Variants in UBE2W observed in about 807,000 individuals in gnomAD.
UBE2W encodes ubiquitin conjugating enzyme E2 W, also known as ubiquitin-conjugating enzyme E2 W.
UBE2W carries 18 observed loss-of-function variants against 27.2 expected under a neutral mutation model. That is an observed-to-expected ratio of 0.66 (90% CI 0.46 to 0.98). The LOEUF is 0.98. Ranked by LOEUF, UBE2W falls within the 50% of genes least tolerant of loss-of-function variation. The probability of loss-of-function intolerance (pLI) is 0.00; values close to 1 mark genes in which losing one functional copy is unlikely to be tolerated. For missense variants in UBE2W, 90 were observed against 180.2 expected (o/e 0.50, Z 2.87); for synonymous variants, 53 against 57.2 (o/e 0.93, Z 0.33).
At chr8:73,833,184 C>CAAAAAAAA (rs1202478660) in intron 1 of UBE2W, among the ~76,000 whole-genome samples, 5 of 31,388 alleles carry the variant, frequency 1.6e-4, no homozygotes, top group African/African-American at 3.7e-4. Context: ...GACTCCACCT[C>CAAAAAAAA]AAAAAAAAAA....
In UBE2W at chr8:73,794,064, T is replaced by C. The variant is rs1586437936; in HGVS notation, c.*38A>G. 1 of 1,612,742 alleles carries C rather than the reference T, an allele frequency of 6.2e-7. No individual in the cohort carries two copies. The highest frequency in any genetic ancestry group is 8.5e-7 in the Non-Finnish European group (1 of 1,179,394). ...ATGATCAAAGTGCTCATTTTCTCAGTAGGACTATCTTCTGCTAGGAGGATG... is the reference window on the plus strand; with the variant it reads ...ATGATCAAAGTGCTCATTTTCTCAGCAGGACTATCTTCTGCTAGGAGGATG... On this transcript the variant is annotated 3_prime_UTR_variant, in exon 6 of 6. Coordinates refer to ENST00000602593, the MANE Select transcript of UBE2W (RefSeq NM_018299.6).
chr8:73,798,394 T>A (rs1004869823), intron 5 of UBE2W, among the ~76,000 whole-genome samples: 1 of 152,136 alleles, frequency 6.6e-6, no homozygotes, highest in Non-Finnish European at 1.5e-5. Flanking sequence ...TTGGCTCCCA[T>A]CCCCAAGATA....
chr8:73,872,815 A>G (rs1014036184), intron 1 of UBE2W, among the ~76,000 whole-genome samples: 1 of 152,232 alleles, frequency 6.6e-6, no homozygotes, highest in Non-Finnish European at 1.5e-5. Flanking sequence ...ATATTTTAAA[A>G]AGAAGTTCTC....
intron 2 of UBE2W, among the ~76,000 whole-genome samples, chr8:73,827,266 T>C (rs1809881700): frequency 6.6e-6 from 1 of 152,044 alleles, no homozygotes; most frequent in South Asian, 2.1e-4. Flanking sequence ...CAGGCTGGAG[T>C]GCAATGGCGT....
intron 5 of UBE2W, among the ~76,000 whole-genome samples, chr8:73,797,864 G>A (rs932755045): frequency 4.6e-5 from 7 of 152,168 alleles, no homozygotes; most frequent in Middle Eastern, 3.2e-3. Flanking sequence ...TAAGTTACAC[G>A]GGGTGAGCAT....
rs1192425332 is a variant in UBE2W, at chr8:73,793,607, G to T, written c.*495C>A. ...TAGAATCCAAATATAAACAGTTGGG[G>T]TGACTTTTAAAGTAATGTTGGATCC... On this transcript the variant is annotated 3_prime_UTR_variant, in exon 6 of 6. Transcript: ENST00000602593. The T allele has an allele frequency of 1.0e-6, 1 of 986,088 alleles. No individual in the cohort carries two copies. The highest frequency in any genetic ancestry group is 1.1e-4 in the East Asian group (1 of 8,834). 61.1% of individuals were successfully genotyped at this position (986,088 alleles called of 1,614,324 possible). A position where few individuals can be genotyped will look rare whatever the true frequency, so the allele number is the denominator to read the frequency against.
In UBE2W at chr8:73,859,340, T is replaced by C. The variant is rs534454611; in HGVS notation, c.15+19468A>G. ...GGCCAACATGGTGAAACCTCATCTC[T>C]ACTAAAAATACAAAAATTAGCTGGG... On this transcript the variant is annotated intron_variant, in intron 1 of 5. Coordinates refer to ENST00000602593, the MANE Select transcript of UBE2W (RefSeq NM_018299.6). Among the ~76,000 whole-genome samples the C allele has an allele frequency of 1.7e-4, 26 of 152,156 alleles. 1 individual carries two copies. The South Asian group carries it at 5.4e-3, about 32-fold the overall frequency.
At chr8:73,861,031 T>G (rs991252502) in intron 1 of UBE2W, among the ~76,000 whole-genome samples, 3 of 152,150 alleles carry the variant, frequency 2.0e-5, no homozygotes, top group African/African-American at 7.2e-5. Flanking sequence ...GGCAGAAGGA[T>G]CCTTTGATCC....
chr8:73,834,612 A>C (rs1394552695), intron 1 of UBE2W, among the ~76,000 whole-genome samples: 2 of 152,158 alleles, frequency 1.3e-5, no homozygotes, highest in African/African-American at 4.8e-5. Context: ...ACTTGTCTCT[A>C]ATAACATTAA....
At chr8:73,860,411 A>G (rs1811492062) in intron 1 of UBE2W, among the ~76,000 whole-genome samples, 1 of 152,208 alleles carries the variant, frequency 6.6e-6, no homozygotes, top group South Asian at 2.1e-4. Context: ...CTTCTGGCCT[A>G]TTTTGAAAAC....
chr8:73,835,062 T>TA (rs1810251383), intron 1 of UBE2W, among the ~76,000 whole-genome samples: 1 of 152,134 alleles, frequency 6.6e-6, no homozygotes, highest in Non-Finnish European at 1.5e-5. Flanking sequence ...AGAACTTTAC[T>TA]AAGTCAAGAA....
chr8:73,829,064 T>A (rs981918632), intron 2 of UBE2W, among the ~76,000 whole-genome samples: 2 of 152,178 alleles, frequency 1.3e-5, no homozygotes, highest in Admixed American at 6.5e-5. Context: ...GAAAAATTCT[T>A]GCCTGACCAA....
At chr8:73,846,852 C>G (rs1304629817) in intron 1 of UBE2W, among the ~76,000 whole-genome samples, 1 of 152,132 alleles carries the variant, frequency 6.6e-6, no homozygotes, top group Non-Finnish European at 1.5e-5. Context: ...AAATTAGCTA[C>G]CATAATGGCT....
chr8:73,793,123 T>C lies in UBE2W; in HGVS notation c.*979A>G, dbSNP rs1808271399. Reference sequence around the variant, plus strand: ...TTGACTTATAACAAAAGAAACAAGATTGCAAACAAAAATGTTTACGGGGTT... The same window carrying C: ...TTGACTTATAACAAAAGAAACAAGACTGCAAACAAAAATGTTTACGGGGTT... On this transcript the variant is annotated 3_prime_UTR_variant, in exon 6 of 6. Coordinates refer to ENST00000602593, the MANE Select transcript of UBE2W (RefSeq NM_018299.6). 2.0e-6 allele frequency: 2 copies of C among 985,690 alleles called. No individual in the cohort carries two copies. The highest frequency in any genetic ancestry group is 3.5e-5 in the African/African-American group (2 of 57,234). The allele number at this position is 985,690 out of a possible 1,614,324, so 61.1% of individuals were successfully genotyped here.
intron 1 of UBE2W, among the ~76,000 whole-genome samples, chr8:73,873,033 A>G (rs1812069952): frequency 6.6e-6 from 1 of 151,780 alleles, no homozygotes; most frequent in Non-Finnish European, 1.5e-5. Flanking sequence ...AGCCTCTCAA[A>G]TAACTGGGAT....
intron 3 of UBE2W, among the ~76,000 whole-genome samples, chr8:73,824,539 A>T (rs1298433891): frequency 6.6e-6 from 1 of 152,234 alleles, no homozygotes; most frequent in Non-Finnish European, 1.5e-5. Context: ...AACTTCTCCG[A>T]TGGCCTAGAG....
At chr8:73,827,036 C>G (rs1282108978) in intron 2 of UBE2W, among the ~76,000 whole-genome samples, 1 of 152,214 alleles carries the variant, frequency 6.6e-6, no homozygotes, top group Non-Finnish European at 1.5e-5. Flanking sequence ...GTCTTTCATT[C>G]TGTTTATATG....
intron 1 of UBE2W, among the ~76,000 whole-genome samples, chr8:73,848,827 T>G (rs939726406): frequency 1.3e-5 from 2 of 152,186 alleles, no homozygotes; most frequent in Non-Finnish European, 2.9e-5. Flanking sequence ...ATTACAAAGG[T>G]GTATTCACTT....
At chr8:73,832,915 C>T (rs957807437) in intron 1 of UBE2W, among the ~76,000 whole-genome samples, 4 of 152,208 alleles carry the variant, frequency 2.6e-5, no homozygotes, top group Admixed American at 2.0e-4. Flanking sequence ...TTCGGCTGGG[C>T]GTTGTGGCTC....
Sources: allele counts gnomAD v4.1 joint callset (sites outside exome capture counted in the v4.1 genomes callset), GRCh38; gene constraint gnomAD v4.1.1; transcripts MANE v1.5; gene names NCBI Gene and HGNC (gene_info 2026-07-23, HGNC 2026-07-21).